The following SAMD5 variants were observed in gnomAD, a reference collection of about 807,000 sequenced individuals.
The protein encoded by SAMD5 is sterile alpha motif domain containing 5.
A neutral mutation model predicts 11.3 loss-of-function variants in SAMD5; 13 were observed. That is an observed-to-expected ratio of 1.15 (90% CI 0.75 to 1.83). SAMD5 has a LOEUF of 1.83. SAMD5 is among the 40% of genes most tolerant of loss of function. SAMD5 has a pLI of 0.00. For missense variants in SAMD5, 255 were observed against 239.1 expected (o/e 1.07, Z -0.44); for synonymous variants, 129 against 111.3 (o/e 1.16, Z -1.00).
the SAMD5 span, among the ~76,000 whole-genome samples, chr6:147,776,083 G>A: frequency 1.3e-5 from 2 of 152,150 alleles, no homozygotes; most frequent in Non-Finnish European, 2.9e-5. Context: ...GAAGATATGA[G>A]TTATCTGTCC....
chr6:147,909,912 G>C, the SAMD5 span, among the ~76,000 whole-genome samples: 16 of 152,166 alleles, frequency 1.1e-4, no homozygotes, highest in African/African-American at 3.9e-4. Flanking sequence ...CAGGAACTTT[G>C]TCAGGTGTTC....
At chr6:147,647,237 GTTCTTTA>G (rs1278742978) in intron 1 of SAMD5, among the ~76,000 whole-genome samples, 1 of 152,064 alleles carries the variant, frequency 6.6e-6, no homozygotes. Flanking sequence ...TCATCATAAG[GTTCTTTA>G]TTCTGTCATC....
At chr6:147,811,881 C>T in the SAMD5 span, among the ~76,000 whole-genome samples, 2 of 152,152 alleles carry the variant, frequency 1.3e-5, no homozygotes, top group Non-Finnish European at 2.9e-5. Context: ...ATGCAACAAA[C>T]ATCTCCTTTC....
chr6:147,856,446 G>A, the SAMD5 span, among the ~76,000 whole-genome samples: 3 of 152,172 alleles, frequency 2.0e-5, no homozygotes, highest in Admixed American at 2.0e-4. Context: ...GCATACCATT[G>A]TGATTTTAAA....
chr6:147,611,096 T>C (rs891016232), intron 1 of SAMD5, among the ~76,000 whole-genome samples: 1 of 152,038 alleles, frequency 6.6e-6, no homozygotes, highest in African/African-American at 2.4e-5. Context: ...GGTCTTGAAC[T>C]CCTGACCTCA....
At chr6:147,696,891 G>T (rs1791183514) in intron 1 of SAMD5, among the ~76,000 whole-genome samples, 1 of 152,114 alleles carries the variant, frequency 6.6e-6, no homozygotes, top group Admixed American at 6.5e-5. Context: ...CTGGGGTAGA[G>T]ATTAAAAGAA....
chr6:147,951,296 C>G, the SAMD5 span, among the ~76,000 whole-genome samples: 2 of 151,938 alleles, frequency 1.3e-5, no homozygotes, highest in Non-Finnish European at 2.9e-5. Context: ...ATTCTCCTGC[C>G]TCAGCCTCCC....
chr6:147,870,449 AGTGTGTGTGTGTGTGTGTGT>A, the SAMD5 span, among the ~76,000 whole-genome samples: 1 of 137,632 alleles, frequency 7.3e-6, no homozygotes, highest in East Asian at 2.1e-4. Context: ...TGTGTGTGTG[AGTGTGTGTGTGTGTGTGTGT>A]GTGTGTGTGT....
chr6:147,914,377 G>A, the SAMD5 span, among the ~76,000 whole-genome samples: 1 of 152,098 alleles, frequency 6.6e-6, no homozygotes, highest in Non-Finnish European at 1.5e-5. Flanking sequence ...AGGCATTGAA[G>A]TCAGCTACTG....
chr6:147,627,666 C>A (rs147550054), intron 1 of SAMD5, among the ~76,000 whole-genome samples: 26 of 152,232 alleles, frequency 1.7e-4, no homozygotes, highest in East Asian at 1.4e-3. Flanking sequence ...ACATAATCAT[C>A]CTTCCTTTTC....
rs901740680 is a variant in SAMD5 at position 147,568,185 on chromosome 6, C to T, written c.*3729C>T. ...TTCTGGGAAGAATCCAACCAAGATACAAAGCAGATGATGGTGGATCGGCAA... is the reference window on the plus strand; with the variant it reads ...TTCTGGGAAGAATCCAACCAAGATATAAAGCAGATGATGGTGGATCGGCAA... On this transcript the variant is annotated 3_prime_UTR_variant, in exon 2 of 2. Transcript: ENST00000367474. 49 of 985,152 alleles carry T rather than the reference C, an allele frequency of 5.0e-5. No individual in the cohort carries two copies. Among genetic ancestry groups the T allele is most frequent in the Admixed American group, 6.2e-5 (1 of 16,254 alleles). The allele number at this position is 985,152 out of a possible 1,614,324, so 61.0% of individuals were successfully genotyped here.
chr6:147,873,983 T>G, the SAMD5 span, among the ~76,000 whole-genome samples: 1 of 152,224 alleles, frequency 6.6e-6, no homozygotes, highest in Non-Finnish European at 1.5e-5. Context: ...TTATATTATA[T>G]GTCTCTTGAG....
chr6:147,590,475 T>C (rs1364825330), intron 1 of SAMD5, among the ~76,000 whole-genome samples: 2 of 152,176 alleles, frequency 1.3e-5, no homozygotes, highest in Non-Finnish European at 2.9e-5. Flanking sequence ...TGCAGTGGCA[T>C]GATCTCAGCT....
chr6:147,788,821 T>C, the SAMD5 span, among the ~76,000 whole-genome samples: 49,775 of 152,086 alleles, frequency 0.33, 8,911 homozygotes, highest in African/African-American at 0.48. Flanking sequence ...CGGTGGCTCA[T>C]GCTTGTAATC....
chr6:147,912,688 G>T, the SAMD5 span, among the ~76,000 whole-genome samples: 1 of 152,156 alleles, frequency 6.6e-6, no homozygotes, highest in Non-Finnish European at 1.5e-5. Flanking sequence ...AGCATAGAGA[G>T]TGATTGAATG....
chr6:147,610,669 C>T (rs1789770014), intron 1 of SAMD5, among the ~76,000 whole-genome samples: 1 of 152,072 alleles, frequency 6.6e-6, no homozygotes, highest in Non-Finnish European at 1.5e-5. Flanking sequence ...CCTGATTGGC[C>T]TCAGTCTCAC....
chr6:147,751,132 T>C, the SAMD5 span, among the ~76,000 whole-genome samples: 1,036 of 152,244 alleles, frequency 6.8e-3, 11 homozygotes, highest in African/African-American at 0.024. Flanking sequence ...GCCTTTGCAC[T>C]GGCTATTTCT....
At chr6:147,909,622 TTC>T in the SAMD5 span, among the ~76,000 whole-genome samples, 7 of 69,752 alleles carry the variant, frequency 1.0e-4, no homozygotes, top group African/African-American at 5.6e-4. Flanking sequence ...CTTTCTTTCT[TTC>T]TTTCTTTCTC....
chr6:147,877,390 C>A, the SAMD5 span, among the ~76,000 whole-genome samples: 42 of 152,180 alleles, frequency 2.8e-4, no homozygotes, highest in African/African-American at 9.9e-4. Context: ...ATTAATTCAA[C>A]CTTACAACAG....
Sources: gnomAD v4.1 joint callset for allele counts (sites outside exome capture counted in the v4.1 genomes callset) on GRCh38, gnomAD v4.1.1 for gene constraint, MANE v1.5 for transcripts, NCBI Gene and HGNC (gene_info 2026-07-23, HGNC 2026-07-21) for gene names.